Variants in WDR19 observed in about 807,000 individuals in gnomAD.
The protein encoded by WDR19 is WD repeat-containing protein 19.
Under a neutral mutation model 180.0 loss-of-function variants are expected in WDR19, and 121 were observed. The observed-to-expected ratio is 0.67, with a 90% CI of 0.58 to 0.78. WDR19 has a LOEUF of 0.78. Ranked by LOEUF, WDR19 falls within the 30% of genes least tolerant of loss-of-function variation. The pLI is 0.00. For synonymous variants in WDR19, 497 were observed against 540.7 expected (o/e 0.92, Z 1.12); for missense variants, 1,450 against 1,640.7 (o/e 0.88, Z 2.01).
chr4:39,231,726 A>G, intron 17 of WDR19, 71 bp from the exon 18 acceptor site: 12 of 1,397,920 alleles, frequency 8.6e-6, no homozygotes, highest in Non-Finnish European at 1.2e-5. Flanking sequence ...ATTAGATGAC[A>G]TGTAGTCTGA....
chr4:39,223,687 T>C (rs1729941715), intron 14 of WDR19, among the ~76,000 whole-genome samples: 1 of 152,194 alleles, frequency 6.6e-6, no homozygotes, highest in Non-Finnish European at 1.5e-5. Flanking sequence ...GTTGAACATA[T>C]CTGTCTCTAT....
intron 31 of WDR19, among the ~76,000 whole-genome samples, chr4:39,271,002 C>T (rs1387250239): frequency 6.7e-6 from 1 of 149,962 alleles, no homozygotes; most frequent in Non-Finnish European, 1.5e-5. Context: ...TCAAGCAATT[C>T]CCCTGCCTCA....
At chr4:39,217,698 A>G (rs1389981411) in intron 13 of WDR19, among the ~76,000 whole-genome samples, 1 of 152,152 alleles carries the variant, frequency 6.6e-6, no homozygotes, top group Non-Finnish European at 1.5e-5. Context: ...AAGTCAGGGC[A>G]TCTCTCACAT....
intron 5 of WDR19, among the ~76,000 whole-genome samples, chr4:39,197,865 G>A (rs1726930220): frequency 2.0e-5 from 3 of 152,080 alleles, no homozygotes; most frequent in Non-Finnish European, 4.4e-5. Context: ...GAGAGATAAG[G>A]TCTTGCTCTG....
At chr4:39,261,739 G>T (rs1411310241) in intron 28 of WDR19, among the ~76,000 whole-genome samples, 1 of 152,196 alleles carries the variant, frequency 6.6e-6, no homozygotes, top group Non-Finnish European at 1.5e-5. Context: ...CAAAATTATG[G>T]ATGTCCCTTG....
intron 28 of WDR19, among the ~76,000 whole-genome samples, chr4:39,261,682 G>A (rs1734308014): frequency 6.6e-6 from 1 of 152,224 alleles, no homozygotes; most frequent in Admixed American, 6.5e-5. Flanking sequence ...CATGGTTGAA[G>A]TGAAGTAGAA....
chr4:39,222,508 T>A (rs1451556201), intron 14 of WDR19, among the ~76,000 whole-genome samples: 1 of 152,194 alleles, frequency 6.6e-6, no homozygotes, highest in African/African-American at 2.4e-5. Context: ...TCACAAAATT[T>A]TTTCCTATGT....
intron 1 of WDR19, 80 bp from the exon 2 acceptor site, chr4:39,185,646 A>G (rs879137605): frequency 1.5e-6 from 2 of 1,318,100 alleles, no homozygotes; most frequent in South Asian, 1.3e-5. Flanking sequence ...CATGGTTTTC[A>G]TGACCATGTT....
chr4:39,183,327 G>A (rs1472427337), intron 1 of WDR19, among the ~76,000 whole-genome samples: 1 of 129,972 alleles, frequency 7.7e-6, no homozygotes, highest in Non-Finnish European at 1.5e-5. Context: ...TCTGCTCCCT[G>A]CAACCTCCAC....
In WDR19 at chr4:39,217,130, A is replaced by G. The variant is rs1251363973; in HGVS notation, c.1250-4A>G. 1 of 1,549,876 alleles carries G rather than the reference A, an allele frequency of 6.5e-7. No individual in the cohort carries two copies. The highest frequency in any genetic ancestry group is 8.9e-7 in the Non-Finnish European group (1 of 1,128,796). The stretch of plus-strand genomic sequence containing the variant: ...AATGTGTTGGTTTTTAAAAATTGCT[A>G]CAGCTGTGAAAAAATTGAAAGATAT... On this transcript the variant is annotated splice_polypyrimidine_tract_variant and splice_region_variant and intron_variant, in intron 12 of 36. Transcript: ENST00000399820.
intron 9 of WDR19, chr4:39,206,072 AG>A (rs1727921572): frequency 6.0e-6 from 1 of 166,000 alleles, no homozygotes; most frequent in South Asian, 1.7e-4. Flanking sequence ...AGATTGGAAA[AG>A]AAGACGGAAT....
intron 27 of WDR19, 27 bp from the exon 28 acceptor site, chr4:39,257,459 T>G: frequency 1.3e-6 from 2 of 1,556,450 alleles, no homozygotes; most frequent in Non-Finnish European, 1.7e-6. Flanking sequence ...TTCTGAAAAT[T>G]TTTAATTGCT....
Position 39,234,359 on chromosome 4 carries a change from TC to T in WDR19, c.2254-405del, listed in dbSNP as rs1731168292. Among the ~76,000 whole-genome samples the T allele has an allele frequency of 2.0e-5, 3 of 152,192 alleles. No homozygotes were observed. The South Asian group carries it at 6.2e-4, about 31-fold the overall frequency. On this transcript the variant is annotated intron_variant, in intron 19 of 36. Transcript: ENST00000399820. ...GATTTTCTAAGAAAAACACACCAAT[TC>T]CTATAGCAAAGTGTTCTCAACTTTT...
intron 9 of WDR19, 78 bp from the exon 10 acceptor site, chr4:39,214,523 T>G: frequency 1.2e-6 from 1 of 823,492 alleles, no homozygotes; most frequent in Middle Eastern, 3.5e-4. Context: ...TATTCCATGG[T>G]TTGTAATTTT....
rs571600449 is a variant in WDR19, at chr4:39,195,322, G to A, written c.406+663G>A. Among the ~76,000 whole-genome samples the A allele has an allele frequency of 8.7e-5, 13 of 149,532 alleles. No homozygotes were observed. In the East Asian group the frequency reaches 2.4e-3, roughly 27 times the overall value. ...GTGGATGTTGCAGTGAGCAGAGATC[G>A]CGCCACTGCACTGCAGCCTGGGTGA... is the stretch of plus-strand genomic sequence containing the variant. On this transcript the variant is annotated intron_variant, in intron 5 of 36. Coordinates refer to ENST00000399820, the MANE Select transcript of WDR19 (RefSeq NM_025132.4).
Position 39,214,686 on chromosome 4 carries a change from G to A in WDR19, c.961+15G>A. The A allele has an allele frequency of 6.8e-7, 1 of 1,474,888 alleles. No homozygotes were observed. The highest frequency in any genetic ancestry group is 9.4e-7 in the Non-Finnish European group (1 of 1,060,014). The allele number at this position is 1,474,888 out of a possible 1,614,324, so 91.4% of individuals were successfully genotyped here. On this transcript the variant is annotated intron_variant, in intron 10 of 36. Coordinates refer to ENST00000399820, the MANE Select transcript of WDR19 (RefSeq NM_025132.4). ...GGAAAATAAAGGTATTGATTTTTCT[G>A]AAGCAGATTGACATTTTATCATTCC...
At position 39,261,014 on chromosome 4, in the gene WDR19, G is replaced by A. The variant is rs146356150; in HGVS notation, c.3183+3460G>A. Reference sequence around the variant, plus strand: ...TTTTTGGTCTCTTTTTTGTTGTTTCGTTGTTGTTGTTTTTTGTCGCACAGG... The same window carrying A: ...TTTTTGGTCTCTTTTTTGTTGTTTCATTGTTGTTGTTTTTTGTCGCACAGG... On this transcript the variant is annotated intron_variant, in intron 28 of 36. Transcript: ENST00000399820. 4.0e-3 allele frequency among the ~76,000 whole-genome samples: 608 copies of A among 151,914 alleles called. 1 individual carries two copies. Among genetic ancestry groups the A allele is most frequent in the African/African-American group, 0.013 (558 of 41,468 alleles).
intron 17 of WDR19, among the ~76,000 whole-genome samples, chr4:39,229,011 G>A (rs1465018178): frequency 6.6e-6 from 1 of 152,026 alleles, no homozygotes; most frequent in African/African-American, 2.4e-5. Flanking sequence ...ATGTCCATGT[G>A]TACCCATTGT....
Position 39,232,258 on chromosome 4 carries a change from A to G in WDR19, c.2239A>G (p.Ile747Val), listed in dbSNP as rs144335584. The G allele has an allele frequency of 3.7e-4, 603 of 1,608,064 alleles. 1 individual carries two copies. In the East Asian group the frequency reaches 8.7e-3, roughly 23 times the overall value. Reference sequence around the variant, plus strand: ...CTTGTACCTTGCATCCAGCTGTCCTATTGCTGCCCTGGAGGTATGGCAGCA... The same window carrying G: ...CTTGTACCTTGCATCCAGCTGTCCTGTTGCTGCCCTGGAGGTATGGCAGCA... ...QDLYLASSCP[I>V]AALEMRRDLQ... Residue 747 changes from isoleucine (I) to valine (V), a missense_variant, in exon 19 of 37, where the codon ATT becomes GTT. Transcript: ENST00000399820.
Sources: gnomAD v4.1 joint callset for allele counts (sites outside exome capture counted in the v4.1 genomes callset) on GRCh38, gnomAD v4.1.1 for gene constraint, MANE v1.5 for transcripts, NCBI Gene and HGNC (gene_info 2026-07-23, HGNC 2026-07-21) for gene names.